The following ANKS1B variants were observed in gnomAD, a reference collection of about 807,000 sequenced individuals.
The protein encoded by ANKS1B is ankyrin repeat and sterile alpha motif domain containing 1B.
Under a neutral mutation model 148.3 loss-of-function variants are expected in ANKS1B, and 36 were observed. That is an observed-to-expected ratio of 0.24 (90% confidence interval 0.19 to 0.32). The LOEUF (loss-of-function observed/expected upper bound fraction) is 0.32. Ranked by LOEUF, ANKS1B falls within the 10% of genes least tolerant of loss-of-function variation. The pLI, the probability that ANKS1B is intolerant of heterozygous loss-of-function variation, is 1.00. For synonymous variants in ANKS1B, 542 were observed against 560.8 expected (o/e 0.97, Z 0.47); for missense variants, 1,157 against 1,542.6 (o/e 0.75, Z 4.19).
chr12:98,824,652 G>C (rs1413886968), intron 19 of ANKS1B, among the ~76,000 whole-genome samples: 1 of 152,140 alleles, frequency 6.6e-6, no homozygotes, highest in Non-Finnish European at 1.5e-5. Flanking sequence ...AACCAAATCA[G>C]AATTCCAACC....
At chr12:99,240,880 T>C (rs2089170675) in intron 14 of ANKS1B, among the ~76,000 whole-genome samples, 1 of 152,226 alleles carries the variant, frequency 6.6e-6, no homozygotes, top group Non-Finnish European at 1.5e-5. Context: ...CCAGAATCTC[T>C]GGGATACATT....
chr12:99,027,475 A>G (rs1320253824), intron 17 of ANKS1B, among the ~76,000 whole-genome samples: 1 of 152,220 alleles, frequency 6.6e-6, no homozygotes, highest in Admixed American at 6.5e-5. Context: ...CATTTTCCAG[A>G]TGAAGAAACT....
In ANKS1B at chr12:99,425,502, A is replaced by G. The variant is rs976522119; in HGVS notation, c.1575+18171T>C. Reference sequence around the variant, plus strand: ...TCAAGATTCTTGATTCACATTACCAAGAAAATGTATAGAAACATTTCCACC... The same window carrying G: ...TCAAGATTCTTGATTCACATTACCAGGAAAATGTATAGAAACATTTCCACC... On this transcript the variant is annotated intron_variant, in intron 11 of 26. Coordinates refer to ENST00000683438, the MANE Select transcript of ANKS1B (RefSeq NM_001352186.2). 4.4e-4 allele frequency among the ~76,000 whole-genome samples: 67 copies of G among 152,006 alleles called. 1 individual carries two copies. Among genetic ancestry groups the G allele is most frequent in the Non-Finnish European group, 8.4e-4 (57 of 67,918 alleles).
chr12:99,317,894 A>G (rs1566879423), intron 12 of ANKS1B, among the ~76,000 whole-genome samples: 1 of 152,190 alleles, frequency 6.6e-6, no homozygotes, highest in East Asian at 1.9e-4. Flanking sequence ...AATTTTGTCA[A>G]AGGCCTTTTC....
chr12:99,760,860 C>T (rs2062025690), intron 8 of ANKS1B, among the ~76,000 whole-genome samples: 1 of 150,780 alleles, frequency 6.6e-6, no homozygotes, highest in Non-Finnish European at 1.5e-5. Flanking sequence ...GCAAAGGTGA[C>T]ATTAAAACCA....
intron 14 of ANKS1B, among the ~76,000 whole-genome samples, chr12:99,177,890 A>G (rs1272307610): frequency 6.6e-6 from 1 of 152,168 alleles, no homozygotes; most frequent in Non-Finnish European, 1.5e-5. Flanking sequence ...CTCTTCTTGA[A>G]TATTCATGGT....
At chr12:99,529,918 GGATT>G (rs1351703088) in intron 9 of ANKS1B, among the ~76,000 whole-genome samples, 3 of 151,994 alleles carry the variant, frequency 2.0e-5, no homozygotes, top group Non-Finnish European at 4.4e-5. Flanking sequence ...GATAATATTA[GGATT>G]AATTTAGGAA....
At chr12:99,577,686 G>A (rs1251134776) in intron 9 of ANKS1B, among the ~76,000 whole-genome samples, 1 of 151,908 alleles carries the variant, frequency 6.6e-6, no homozygotes, top group Admixed American at 6.6e-5. Flanking sequence ...CTGAAACACT[G>A]AACACATCTA....
At chr12:99,945,167 G>C (rs1247200989) in intron 1 of ANKS1B, among the ~76,000 whole-genome samples, 1 of 152,140 alleles carries the variant, frequency 6.6e-6, no homozygotes, top group African/African-American at 2.4e-5. Flanking sequence ...TGATGTGAAG[G>C]TGATGTGCTA....
chr12:99,982,705 A>C (rs970287715), intron 1 of ANKS1B, among the ~76,000 whole-genome samples: 11 of 152,216 alleles, frequency 7.2e-5, no homozygotes, highest in Non-Finnish European at 1.2e-4. Flanking sequence ...TTGAAAGAGA[A>C]GATTATTTAA....
chr12:99,842,647 C>T (rs2085933099), intron 1 of ANKS1B, among the ~76,000 whole-genome samples: 1 of 152,082 alleles, frequency 6.6e-6, no homozygotes, highest in South Asian at 2.1e-4. Flanking sequence ...CATCCACTGA[C>T]CCCTGCCCTG....
chr12:99,967,404 G>A (rs953292144), intron 1 of ANKS1B, among the ~76,000 whole-genome samples: 2 of 151,996 alleles, frequency 1.3e-5, no homozygotes, highest in African/African-American at 4.8e-5. Context: ...CTCAAGACTC[G>A]GAATTTTTCC....
chr12:99,561,609 C>T (rs1382871447), intron 9 of ANKS1B, among the ~76,000 whole-genome samples: 2 of 148,860 alleles, frequency 1.3e-5, no homozygotes, highest in Non-Finnish European at 3.0e-5. Flanking sequence ...CAAGAAACCA[C>T]TTTTTTTTTT....
chr12:99,397,464 A>T (rs140698264), intron 12 of ANKS1B, among the ~76,000 whole-genome samples: 239 of 152,266 alleles, frequency 1.6e-3, no homozygotes, highest in African/African-American at 5.6e-3. Context: ...ACAAGAAATA[A>T]GTAAAGAAGT....
chr12:99,893,951 C>T (rs762221272), intron 1 of ANKS1B, among the ~76,000 whole-genome samples: 25 of 151,926 alleles, frequency 1.6e-4, no homozygotes, highest in Admixed American at 5.9e-4. Flanking sequence ...GATGGACATA[C>T]GGAGCCCAAC....
intron 17 of ANKS1B, among the ~76,000 whole-genome samples, chr12:98,913,586 T>G (rs2099789748): frequency 6.6e-6 from 1 of 152,166 alleles, no homozygotes; most frequent in Non-Finnish European, 1.5e-5. Flanking sequence ...AGTGGGCCTG[T>G]CAAACTTAAT....
At chr12:99,531,561 G>A (rs1234494455) in intron 9 of ANKS1B, among the ~76,000 whole-genome samples, 2 of 152,176 alleles carry the variant, frequency 1.3e-5, no homozygotes, top group Admixed American at 6.5e-5. Context: ...TTATGGCTGA[G>A]TAGCATTCCA....
intron 15 of ANKS1B, chr12:99,099,819 C>G (rs961815122): frequency 2.0e-5 from 3 of 152,062 alleles, no homozygotes; most frequent in Non-Finnish European, 4.4e-5. Flanking sequence ...ACAAAAAACA[C>G]CATGACAAGT....
intron 8 of ANKS1B, among the ~76,000 whole-genome samples, chr12:99,751,849 T>C (rs2061139096): frequency 6.6e-6 from 1 of 152,002 alleles, no homozygotes; most frequent in Non-Finnish European, 1.5e-5. Context: ...CTAATACAAA[T>C]TGGAATGAAG....
Sources: allele counts gnomAD v4.1 joint callset (sites outside exome capture counted in the v4.1 genomes callset), GRCh38; gene constraint gnomAD v4.1.1; transcripts MANE v1.5; gene names NCBI Gene and HGNC (gene_info 2026-07-23, HGNC 2026-07-21).